Variants in JAKMIP3 observed in about 807,000 individuals in gnomAD.
The protein encoded by JAKMIP3 is janus kinase and microtubule-interacting protein 3.
A neutral mutation model predicts 118.5 loss-of-function variants in JAKMIP3; 58 were observed. The ratio of observed to expected loss-of-function variants is 0.49; its 90% CI spans 0.40 to 0.61. JAKMIP3 has a LOEUF of 0.61. JAKMIP3 is among the 20% of genes least tolerant of loss of function. The pLI is 0.00. For synonymous variants in JAKMIP3, 486 were observed against 451.2 expected, an observed-to-expected ratio of 1.08 and a Z score of -0.98; for missense variants, 950 against 1,109.0, an observed-to-expected ratio of 0.86 and a Z score of 2.04.
In JAKMIP3 at chr10:132,136,035, G is replaced by A. The variant is rs2051695566; in HGVS notation, c.1075G>A (p.Glu359Lys). 6.2e-7 allele frequency: 1 copy of A among 1,613,622 alleles called. No homozygotes were observed. The change falls in exon 6 of 24, where the codon GAA (glutamate) becomes AAA (lysine). Residue 359 changes from glutamate (E) to lysine (K), a missense_variant. Coordinates refer to ENST00000684848, the MANE Select transcript of JAKMIP3 (RefSeq NM_001323087.2). The part of the protein sequence containing the change: ...EDLSHALRRM[E>K]NKLKFVTQEN... ...TTTGTCTCATGCTTTACGCCGAATG[G>A]AAAACAAGTTAAAATTTGTCACCCA...
intron 8 of JAKMIP3, 144 bp from the exon 9 acceptor site, chr10:132,137,975 G>T (rs2052189619): frequency 1.5e-6 from 1 of 678,388 alleles, no homozygotes; most frequent in East Asian, 2.9e-5. Context: ...TGGAGCCAGG[G>T]CCTCCCGCTG....
At position 132,180,570 on chromosome 10, in the gene JAKMIP3, T is replaced by TGTGTGTGTGC. The variant is rs2060778642; in HGVS notation, c.*1104-1783_*1104-1774dup. 1.0e-4 allele frequency among the ~76,000 whole-genome samples: 2 copies of TGTGTGTGTGC among 19,960 alleles called. 1 individual carries two copies. 13.1% of individuals were successfully genotyped at this position (19,960 alleles called of 152,430 possible). A position where few individuals can be genotyped will look rare whatever the true frequency, so the allele number is the denominator to read the frequency against. On this transcript the variant is annotated intron_variant, in intron 23 of 23. Transcript: ENST00000684848. The stretch of plus-strand genomic sequence containing the variant: ...GCGTGCGTGCATGCGTGTGTGTGCG[T>TGTGTGTGTGC]GTGTGTGTGCGTGCGCGTGTGTGTG...
intron 23 of JAKMIP3, among the ~76,000 whole-genome samples, chr10:132,180,730 C>CGCGCGT (rs1554963341): frequency 4.6e-4 from 4 of 8,682 alleles, no homozygotes; most frequent in African/African-American, 1.9e-3. Flanking sequence ...CGTGTGTGTG[C>CGCGCGT]GTGTGTGCGT....
intron 1 of JAKMIP3, among the ~76,000 whole-genome samples, chr10:132,096,086 T>A (rs2043822932): frequency 1.3e-5 from 2 of 152,210 alleles, no homozygotes; most frequent in South Asian, 4.1e-4. Flanking sequence ...AGCTGGGGGA[T>A]CTGGCCAGGT....
chr10:132,160,210 G>A (rs1251508606), intron 19 of JAKMIP3, among the ~76,000 whole-genome samples: 1 of 16,618 alleles, frequency 6.0e-5, no homozygotes, highest in African/African-American at 2.1e-4. Context: ...GTGTGATGCT[G>A]GGTGGGCCTC....
chr10:132,160,213 TGGGCCTCTCCCTGTGTGATGCTGGGGG>T (rs2057948744), intron 19 of JAKMIP3, among the ~76,000 whole-genome samples: 3 of 4,950 alleles, frequency 6.1e-4, no homozygotes, highest in Non-Finnish European at 1.0e-3. Context: ...TGATGCTGGG[TGGGCCTCTCCCTGTGTGATGCTGGGGG>T]GGGCCTCTCA....
In JAKMIP3 at chr10:132,142,062, C is replaced by T. The variant is rs1176123974; in HGVS notation, c.1602+14C>T. The T allele has an allele frequency of 2.0e-6, 3 of 1,470,436 alleles. No individual in the cohort carries two copies. Among genetic ancestry groups the T allele is most frequent in the Non-Finnish European group, 2.7e-6 (3 of 1,107,466 alleles). 91.1% of individuals were successfully genotyped at this position (1,470,436 alleles called of 1,614,324 possible). On this transcript the variant is annotated intron_variant, in intron 11 of 23. Coordinates refer to ENST00000684848, the MANE Select transcript of JAKMIP3 (RefSeq NM_001323087.2). Reference sequence around the variant, plus strand: ...CGAGAAGTTAAGGTCTACGTGACTTCCACCGCGCGTTCCGGCCCCCCTCGT... The same window carrying T: ...CGAGAAGTTAAGGTCTACGTGACTTTCACCGCGCGTTCCGGCCCCCCTCGT...
At position 132,102,282 on chromosome 10, in the gene JAKMIP3, C is replaced by T. The variant is rs115073883; in HGVS notation, c.-137-2390C>T. Among the ~76,000 whole-genome samples the T allele has an allele frequency of 7.0e-3, 1,066 of 152,232 alleles. 11 individuals are homozygous for T. Among genetic ancestry groups the T allele is most frequent in the African/African-American group, 0.023 (969 of 41,532 alleles). ...GAGACAGGCAGTGCGCCGGGCCCGG[C>T]GAGCACCCTCTCCTTTGTAAATGAA... On this transcript the variant is annotated intron_variant, in intron 1 of 23. Coordinates refer to ENST00000684848, the MANE Select transcript of JAKMIP3 (RefSeq NM_001323087.2).
rs2136230417 is a variant in JAKMIP3, at chr10:132,154,103, C to A, written c.2220+113C>A. Reference sequence around the variant, plus strand: ...GCCCATGTGGGCCAGGTCGCAGGGCCCCTAATGGCCCCTAATGACACCTGC... The same window carrying A: ...GCCCATGTGGGCCAGGTCGCAGGGCACCTAATGGCCCCTAATGACACCTGC... On this transcript the variant is annotated intron_variant, in intron 19 of 23. Transcript: ENST00000684848. The A allele has an allele frequency of 9.0e-6, 7 of 776,106 alleles. No homozygotes were observed. The South Asian group carries it at 1.2e-4, about 13-fold the overall frequency. 48.1% of individuals were successfully genotyped at this position (776,106 alleles called of 1,614,324 possible).
chr10:132,097,955 CT>C lies in JAKMIP3; in HGVS notation c.-137-6714del, dbSNP rs869184918. Among the ~76,000 whole-genome samples the C allele has an allele frequency of 2.0e-4, 9 of 45,952 alleles. 1 individual carries two copies. The highest frequency in any genetic ancestry group is 2.3e-4 in the Admixed American group (1 of 4,308). 30.1% of individuals were successfully genotyped at this position (45,952 alleles called of 152,430 possible). ...CCTTCCCCTTTCCCTTTCCCATCCCCTTTCCCTTTCCTTCCTTTTCTCCCCT... is the reference window on the plus strand; with the variant it reads ...CCTTCCCCTTTCCCTTTCCCATCCCCTTCCCTTTCCTTCCTTTTCTCCCCT... On this transcript the variant is annotated intron_variant, in intron 1 of 23. Transcript: ENST00000684848.
At chr10:132,145,608 G>A in intron 13 of JAKMIP3, 28 bp downstream of exon 13, 1 of 1,545,250 alleles carries the variant, frequency 6.5e-7, no homozygotes, top group South Asian at 1.2e-5. Context: ...GGAGGCCCTG[G>A]CAGGACTCGC....
chr10:132,116,106 G>A (rs1314281246), intron 2 of JAKMIP3, among the ~76,000 whole-genome samples: 1 of 152,248 alleles, frequency 6.6e-6, no homozygotes, highest in Non-Finnish European at 1.5e-5. Context: ...CTTAGAAGAA[G>A]TGCCTTTTCT....
chr10:132,091,448 G>C (rs2043077869), intron 1 of JAKMIP3, among the ~76,000 whole-genome samples: 1 of 152,134 alleles, frequency 6.6e-6, no homozygotes, highest in African/African-American at 2.4e-5. Flanking sequence ...TTATGAATCT[G>C]GGTGCTCCTG....
chr10:132,171,822 T>C (rs2059526320), intron 23 of JAKMIP3, among the ~76,000 whole-genome samples: 1 of 152,010 alleles, frequency 6.6e-6, no homozygotes, highest in African/African-American at 2.4e-5. Flanking sequence ...ACTCAGCTAA[T>C]TTTTGTATTT....
At chr10:132,136,639 G>A (rs774067133) in intron 6 of JAKMIP3, among the ~76,000 whole-genome samples, 22 of 152,238 alleles carry the variant, frequency 1.4e-4, no homozygotes, top group Non-Finnish European at 2.6e-4. Context: ...CTCTATGGAA[G>A]CCCCCTTCTT....
At chr10:132,178,237 G>A (rs1565014701) in intron 23 of JAKMIP3, among the ~76,000 whole-genome samples, 3 of 152,258 alleles carry the variant, frequency 2.0e-5, no homozygotes, top group Non-Finnish European at 4.4e-5. Context: ...AGCCACATGG[G>A]GCTCCGCCGT....
intron 16 of JAKMIP3, among the ~76,000 whole-genome samples, chr10:132,151,114 C>T (rs2056106282): frequency 1.3e-5 from 2 of 152,110 alleles, no homozygotes; most frequent in South Asian, 2.1e-4. Flanking sequence ...TCTATTCATT[C>T]TCCATCCATC....
At chr10:132,051,755 G>T (rs1289045207) in intron 1 of JAKMIP3, among the ~76,000 whole-genome samples, 1 of 152,108 alleles carries the variant, frequency 6.6e-6, no homozygotes. Context: ...AGAGGCATCG[G>T]CAATCACACC....
intron 1 of JAKMIP3, among the ~76,000 whole-genome samples, chr10:132,074,794 A>C (rs182703123): frequency 6.6e-6 from 1 of 152,082 alleles, no homozygotes; most frequent in African/African-American, 2.4e-5. Context: ...TTCTTCTAGG[A>C]TTTTTATAGT....
Sources: allele counts gnomAD v4.1 joint callset (sites outside exome capture counted in the v4.1 genomes callset), GRCh38; gene constraint gnomAD v4.1.1; transcripts MANE v1.5; gene names NCBI Gene and HGNC (gene_info 2026-07-23, HGNC 2026-07-21).